Variants in PPP2R1B observed in about 807,000 individuals in gnomAD.
PPP2R1B encodes serine/threonine-protein phosphatase 2A 65 kDa regulatory subunit A beta isoform.
Under a neutral mutation model 72.7 loss-of-function variants are expected in PPP2R1B, and 58 were observed. That is an observed-to-expected ratio of 0.80 (90% CI 0.65 to 0.99). The LOEUF is 0.99. Among genes scored for constraint, PPP2R1B ranks in the 50% least tolerant of loss-of-function variants. The pLI, the probability that PPP2R1B is intolerant of heterozygous loss-of-function variation, is 0.00. For missense variants in PPP2R1B, 695 were observed against 733.6 expected (o/e 0.95, Z 0.61); for synonymous variants, 256 against 264.6 (o/e 0.97, Z 0.32).
Position 111,738,985 on chromosome 11 carries a change from CA to C in PPP2R1B, c.*2610del, listed in dbSNP as rs1944430081. The C allele has an allele frequency of 1.0e-6, 1 of 983,396 alleles. No homozygotes were observed. Among genetic ancestry groups the C allele is most frequent in the African/African-American group, 1.8e-5 (1 of 56,764 alleles). 60.9% of individuals were successfully genotyped at this position (983,396 alleles called of 1,614,324 possible). Reference sequence around the variant, plus strand: ...GTAAGCTGCCAAGGATGAAAAACAACATTACATGTCTGAAGCAATCAGACAA... The same window carrying C: ...GTAAGCTGCCAAGGATGAAAAACAACTTACATGTCTGAAGCAATCAGACAA... On this transcript the variant is annotated 3_prime_UTR_variant, in exon 15 of 15. Coordinates refer to ENST00000527614, the MANE Select transcript of PPP2R1B (RefSeq NM_002716.5).
chr11:111,737,618 C>T (rs377678302), downstream of PPP2R1B: 3 of 1,609,942 alleles, frequency 1.9e-6, no homozygotes, highest in East Asian at 4.5e-5. Context: ...CAGGGCACAT[C>T]CCTCCCAAGC....
chr11:111,711,864 G>T, the PPP2R1B span, among the ~76,000 whole-genome samples: 7 of 152,168 alleles, frequency 4.6e-5, no homozygotes, highest in African/African-American at 1.2e-4. Context: ...ATCTGTCTGG[G>T]TATTATATTT....
At chr11:111,722,108 T>C (rs1177220174), downstream of PPP2R1B, among the ~76,000 whole-genome samples, 1 of 152,244 alleles carries the variant, frequency 6.6e-6, no homozygotes, top group Non-Finnish European at 1.5e-5. The surrounding 1 kb of genome is among the most constrained non-coding windows in gnomAD (Gnocchi z 4.4). Flanking sequence ...TGTTCAGATC[T>C]AGCTTTGTGC....
At chr11:111,751,674 G>T (rs1220013534) in intron 10 of PPP2R1B, among the ~76,000 whole-genome samples, 2 of 152,278 alleles carry the variant, frequency 1.3e-5, no homozygotes, top group African/African-American at 4.8e-5. Flanking sequence ...ATACCTTTTT[G>T]TTAGAAATGT....
rs756736559 is a variant in PPP2R1B at position 111,743,539 on chromosome 11, G to T, written c.1400-9C>A. 4.4e-6 allele frequency: 7 copies of T among 1,600,366 alleles called. No individual in the cohort carries two copies. In the South Asian group the frequency reaches 7.9e-5, roughly 18 times the overall value. Reference sequence around the variant, plus strand: ...TTCTCGGATGGCGTATACTGCAGAAGAGGTCAAAAACATGTTCTCATATCG... The same window carrying T: ...TTCTCGGATGGCGTATACTGCAGAATAGGTCAAAAACATGTTCTCATATCG... On this transcript the variant is annotated splice_polypyrimidine_tract_variant and intron_variant, in intron 11 of 14. Transcript: ENST00000527614.
intron 10 of PPP2R1B, among the ~76,000 whole-genome samples, chr11:111,748,352 C>A (rs1293987922): frequency 6.6e-6 from 1 of 152,234 alleles, no homozygotes; most frequent in Non-Finnish European, 1.5e-5. Flanking sequence ...AAATGAATTA[C>A]CCAGGAAAAC....
intron 9 of PPP2R1B, among the ~76,000 whole-genome samples, 162 bp downstream of exon 9, chr11:111,753,281 C>T (rs1944979382): frequency 6.6e-6 from 1 of 152,130 alleles, no homozygotes. Context: ...TCTGAGGAAC[C>T]TATAACCCCA....
chr11:111,721,235 A>G, the PPP2R1B span, among the ~76,000 whole-genome samples: 1 of 152,108 alleles, frequency 6.6e-6, no homozygotes, highest in African/African-American at 2.4e-5. Flanking sequence ...GACGGGTTCA[A>G]CCCATCCACG....
intron 10 of PPP2R1B, 89 bp from the exon 11 acceptor site, chr11:111,748,103 G>T: frequency 8.1e-7 from 1 of 1,229,458 alleles, no homozygotes; most frequent in Non-Finnish European, 1.1e-6. Context: ...TTACCTGAAG[G>T]CTAAAAAAAC....
Position 111,754,517 on chromosome 11 carries a change from T to C in PPP2R1B, c.1011A>G (p.Gln337=), listed in dbSNP as rs548287802. ...GGTTTACCTTTATATAAGGCAGAAT[T>C]TGATTCATAATTATGGTCTCTCTAT... The part of the protein sequence containing the change: ...IEDRETIIMN[Q]ILPYIKELVS... The change falls in exon 8 of 15, where the codon CAA becomes CAG. Residue 337 remains glutamine (Q), a synonymous_variant. Coordinates refer to ENST00000527614, the MANE Select transcript of PPP2R1B (RefSeq NM_002716.5). 4 of 1,603,122 alleles carry C rather than the reference T, an allele frequency of 2.5e-6. No individual in the cohort carries two copies. The highest frequency in any genetic ancestry group is 2.2e-5 in the East Asian group (1 of 44,498).
At chr11:111,747,896 G>A in intron 11 of PPP2R1B, 58 bp downstream of exon 11, 1 of 1,500,402 alleles carries the variant, frequency 6.7e-7, no homozygotes, top group East Asian at 2.3e-5. Context: ...TTTCTAAAAG[G>A]AAATGTATGA....
Position 111,752,260 on chromosome 11 carries a change from A to T in PPP2R1B, c.1237T>A (p.Ser413Thr). ...ACTATGGCAGGAAGGAGAGACTGAG[A>T]GAGCTGACGGATTCCAATCACTTCA... ...VNEVIGIRQL[S>T]QSLLPAIVEL... Residue 413 changes from serine to threonine, a missense_variant, in exon 10 of 15, where the codon TCT becomes ACT. Transcript: ENST00000527614. 1 of 1,614,162 alleles carries T rather than the reference A, an allele frequency of 6.2e-7. No individual in the cohort carries two copies. The highest frequency in any genetic ancestry group is 1.7e-5 in the Admixed American group (1 of 60,022).
the PPP2R1B span, among the ~76,000 whole-genome samples, chr11:111,697,049 A>C: frequency 6.6e-6 from 1 of 152,196 alleles, no homozygotes; most frequent in East Asian, 1.9e-4. Flanking sequence ...ACTTCTTCAA[A>C]AATAACTATT....
At chr11:111,734,829 G>A (rs540713958), downstream of PPP2R1B, among the ~76,000 whole-genome samples, 1 of 152,188 alleles carries the variant, frequency 6.6e-6, no homozygotes. Context: ...AGACCCCCCA[G>A]GGCAGCGCGA....
At chr11:111,754,670 T>C (rs1591699791) in intron 7 of PPP2R1B, 101 bp from the exon 8 acceptor site, 2 of 1,479,400 alleles carry the variant, frequency 1.4e-6, no homozygotes, top group African/African-American at 2.9e-5. Context: ...AATTAAATTA[T>C]ATGTTTAAGC....
chr11:111,708,604 G>A, the PPP2R1B span, among the ~76,000 whole-genome samples: 2 of 151,990 alleles, frequency 1.3e-5, no homozygotes, highest in South Asian at 4.2e-4. Context: ...TTTTGTTTTT[G>A]AGATGGGGTC....
intron 5 of PPP2R1B, among the ~76,000 whole-genome samples, chr11:111,756,557 G>T (rs1208999548): frequency 1.3e-5 from 2 of 152,144 alleles, no homozygotes; most frequent in Non-Finnish European, 2.9e-5. Flanking sequence ...CTCAGATCAG[G>T]GTCGCAGTAA....
chr11:111,734,540 A>G (rs1250255093), downstream of PPP2R1B, among the ~76,000 whole-genome samples: 1 of 152,230 alleles, frequency 6.6e-6, no homozygotes, highest in Non-Finnish European at 1.5e-5. Context: ...CACTGACAGG[A>G]GGTCAGCCTA....
intron 15 of PPP2R1B, among the ~76,000 whole-genome samples, chr11:111,732,199 T>TAAA (rs1471998158): frequency 6.6e-6 from 1 of 152,224 alleles, no homozygotes; most frequent in East Asian, 1.9e-4. Context: ...AGCAGCTGCT[T>TAAA]TCTGCCCCAC....
Sources: allele counts gnomAD v4.1 joint callset (sites outside exome capture counted in the v4.1 genomes callset), GRCh38; gene constraint gnomAD v4.1.1; non-coding constraint Gnocchi (gnomAD v3.1); transcripts MANE v1.5; gene names NCBI Gene and HGNC (gene_info 2026-07-23, HGNC 2026-07-21).